Variants in DNAH5 observed in about 807,000 individuals in gnomAD.
DNAH5 encodes dynein axonemal heavy chain 5, also known as axonemal beta dynein heavy chain 5.
A neutral mutation model predicts 518.2 loss-of-function variants in DNAH5; 372 were observed. The observed-to-expected ratio is 0.72, with a 90% CI of 0.66 to 0.78. The LOEUF (loss-of-function observed/expected upper bound fraction) is 0.78, where lower values mean the gene tolerates loss of function less well. Ranked by LOEUF, DNAH5 falls within the 30% of genes least tolerant of loss-of-function variation. The pLI, the probability that DNAH5 is intolerant of heterozygous loss-of-function variation, is 0.00. For missense variants in DNAH5, 5,523 were observed against 5,687.0 expected (o/e 0.97, Z 0.93); for synonymous variants, 2,039 against 2,025.9 (o/e 1.01, Z -0.17).
At chr5:13,907,575 C>T (rs1775475314) in intron 12 of DNAH5, among the ~76,000 whole-genome samples, 1 of 152,054 alleles carries the variant, frequency 6.6e-6, no homozygotes, top group Non-Finnish European at 1.5e-5. Context: ...TTTAAAAATC[C>T]TTTTCATGAA....
intron 1 of DNAH5, among the ~76,000 whole-genome samples, chr5:13,996,873 G>C (rs977875013): frequency 6.6e-6 from 1 of 152,232 alleles, no homozygotes; most frequent in Non-Finnish European, 1.5e-5. Flanking sequence ...CATTGCCCTA[G>C]TATAGGCTGC....
At chr5:13,713,675 T>G (rs1267357446) in intron 75 of DNAH5, among the ~76,000 whole-genome samples, 4 of 145,128 alleles carry the variant, frequency 2.8e-5, no homozygotes, top group Non-Finnish European at 6.0e-5. Flanking sequence ...ACAATGGACT[T>G]TGGGGACTTG....
chr5:13,804,301 G>A (rs1421585309), intron 47 of DNAH5, among the ~76,000 whole-genome samples: 1 of 152,206 alleles, frequency 6.6e-6, no homozygotes, highest in African/African-American at 2.4e-5. Context: ...ACTGATGAAA[G>A]ATGTGAAAGT....
chr5:13,729,366 A>T, intron 69 of DNAH5, 73 bp downstream of exon 69: 1 of 1,593,404 alleles, frequency 6.3e-7, no homozygotes, highest in Non-Finnish European at 8.6e-7. Context: ...TCTTCCACAA[A>T]TATTGTACCT....
Position 13,713,462 on chromosome 5 carries a change from T to C in DNAH5, c.13125+943A>G, listed in dbSNP as rs1055795771. On this transcript the variant is annotated intron_variant, in intron 75 of 78. Coordinates refer to ENST00000265104, the MANE Select transcript of DNAH5 (RefSeq NM_001369.3). ...ATATATATATATATATATATATATATATATACACACACCGATATATATATA... is the reference window on the plus strand; with the variant it reads ...ATATATATATATATATATATATATACATATACACACACCGATATATATATA... Among the ~76,000 whole-genome samples, 109 of 125,804 alleles carry C rather than the reference T, an allele frequency of 8.7e-4. 2 individuals are homozygous for C. Among genetic ancestry groups the C allele is most frequent in the African/African-American group, 3.3e-3 (92 of 27,568 alleles). 82.5% of individuals were successfully genotyped at this position (125,804 alleles called of 152,430 possible).
Position 13,740,809 on chromosome 5 carries a change from T to C in DNAH5, c.11212-3314A>G, listed in dbSNP as rs1467212625. ...AGTAAGCCCCACTGTGACCACCCTC[T>C]TTAAAATGCTAGCCCACCAGCTGAC... On this transcript the variant is annotated intron_variant, in intron 65 of 78. Transcript: ENST00000265104. Among the ~76,000 whole-genome samples, 3 of 152,194 alleles carry C rather than the reference T, an allele frequency of 2.0e-5. No individual in the cohort carries two copies. In the East Asian group the frequency reaches 5.8e-4, roughly 29 times the overall value.
At chr5:13,961,829 C>T (rs1781207089) in intron 1 of DNAH5, among the ~76,000 whole-genome samples, 1 of 152,062 alleles carries the variant, frequency 6.6e-6, no homozygotes, top group Non-Finnish European at 1.5e-5. Flanking sequence ...CTTCCTCCTT[C>T]GAGAAGCCTG....
intron 38 of DNAH5, among the ~76,000 whole-genome samples, chr5:13,829,257 C>T (rs2151834322): frequency 6.6e-6 from 1 of 152,234 alleles, no homozygotes; most frequent in African/African-American, 2.4e-5. Flanking sequence ...TGTTAATATC[C>T]ATAAGTCTTT....
chr5:13,785,565 C>T (rs1219682502), intron 52 of DNAH5, among the ~76,000 whole-genome samples: 2 of 152,152 alleles, frequency 1.3e-5, no homozygotes, highest in Non-Finnish European at 2.9e-5. Flanking sequence ...TGTTCAATAT[C>T]ATTAAGTACA....
intron 66 of DNAH5, 96 bp from the exon 67 acceptor site, chr5:13,736,028 C>A (rs1747358613): frequency 9.9e-7 from 1 of 1,010,696 alleles, no homozygotes; most frequent in Non-Finnish European, 1.6e-6. Flanking sequence ...AAAACAACAA[C>A]TTTTATTTTA....
At chr5:13,962,237 C>A (rs1467153602) in intron 1 of DNAH5, among the ~76,000 whole-genome samples, 1 of 152,046 alleles carries the variant, frequency 6.6e-6, no homozygotes, top group Admixed American at 6.6e-5. Context: ...AAGCACCTGA[C>A]TTATTGTATG....
chr5:13,924,445 G>A (rs1327875026), intron 3 of DNAH5, among the ~76,000 whole-genome samples: 1 of 152,148 alleles, frequency 6.6e-6, no homozygotes, highest in Non-Finnish European at 1.5e-5. Flanking sequence ...GGAGGCCGAG[G>A]CGGGTGAATC....
At chr5:13,766,297 C>A in intron 58 of DNAH5, 118 bp from the exon 59 acceptor site, 1 of 1,036,142 alleles carries the variant, frequency 9.7e-7, no homozygotes, top group Non-Finnish European at 1.5e-6. Flanking sequence ...AAGTTAGATG[C>A]AGGCCACAGG....
At position 13,830,930 on chromosome 5, in the gene DNAH5, C is replaced by T. The variant is rs577753697; in HGVS notation, c.5883-155G>A. ...TACAACATCCTAAAACACACTTATC[C>T]TTATCAATGTTAACATATGTTGAGG... On this transcript the variant is annotated intron_variant, in intron 35 of 78. Transcript: ENST00000265104. 1.1e-4 allele frequency among the ~76,000 whole-genome samples: 17 copies of T among 152,282 alleles called. No individual in the cohort carries two copies. In the South Asian group the frequency reaches 3.5e-3, roughly 32 times the overall value.
At chr5:13,828,595 C>A (rs1763228330) in intron 38 of DNAH5, among the ~76,000 whole-genome samples, 1 of 152,180 alleles carries the variant, frequency 6.6e-6, no homozygotes, top group African/African-American at 2.4e-5. Flanking sequence ...TAGACTGTAG[C>A]ACTCGTTTTG....
intron 1 of DNAH5, among the ~76,000 whole-genome samples, chr5:13,978,157 C>A (rs1211122798): frequency 6.6e-6 from 1 of 152,232 alleles, no homozygotes; most frequent in East Asian, 1.9e-4. Flanking sequence ...TGCCTCCGGC[C>A]AAGAGAGAGA....
intron 1 of DNAH5, among the ~76,000 whole-genome samples, chr5:14,001,139 T>C (rs1784325122): frequency 6.6e-6 from 1 of 152,146 alleles, no homozygotes. Context: ...GGAGGACTAC[T>C]CGAGGGGAGA....
At position 13,690,946 on chromosome 5, in the gene DNAH5, C is replaced by G. The variant is rs1740638649; in HGVS notation, c.*1038G>C. The G allele has an allele frequency of 6.6e-6, 1 of 152,088 alleles. No individual in the cohort carries two copies. The highest frequency in any genetic ancestry group is 2.4e-5 in the African/African-American group (1 of 41,414). The allele number at this position is 152,088 out of a possible 1,614,324, so 9.4% of individuals were successfully genotyped here. A position where few individuals can be genotyped will look rare whatever the true frequency, so the allele number is the denominator to read the frequency against. ...TTCTATCTTGCCATCTAATCTTTGT[C>G]CACATGCAAATATATTTGCTGTTAT... On this transcript the variant is annotated 3_prime_UTR_variant, in exon 79 of 79. Transcript: ENST00000265104.
rs775957939 is a variant in DNAH5, at chr5:13,916,397, A to C, written c.1148T>G (p.Ile383Ser). The C allele has an allele frequency of 4.5e-6, 7 of 1,548,654 alleles. No individual in the cohort carries two copies. The East Asian group carries it at 1.6e-4, about 35-fold the overall frequency. Residue 383 changes from isoleucine (I) to serine (S), a missense_variant, in exon 9 of 79, where the codon ATC becomes AGC. Physicochemically the swap from Ile to Ser is moderately radical, Grantham distance 142. This residue lies in a region of DNAH5 where 5,121 missense variants were observed against 5,223.3 expected (regional missense o/e 0.98). Transcript: ENST00000265104. ...LINAIKMIYS[I>S]SHYYNTSEKI... ...CTCAGAGGTATTATAGTAATGAGAG[A>C]TACTATAGATCATTTTAATTGCATT...
Sources: gnomAD v4.1 joint callset for allele counts (sites outside exome capture counted in the v4.1 genomes callset) on GRCh38, gnomAD v4.1.1 for gene constraint, gnomAD v4.1.1 regional missense constraint, MANE v1.5 for transcripts, NCBI Gene and HGNC (gene_info 2026-07-23, HGNC 2026-07-21) for gene names.